The following MPP7 variants were observed in gnomAD, a reference collection of about 807,000 sequenced individuals.
MPP7 encodes the protein MAGUK p55 scaffold protein 7.
Under a neutral mutation model 76.5 loss-of-function variants are expected in MPP7, and 60 were observed. The ratio of observed to expected loss-of-function variants is 0.78; its 90% confidence interval spans 0.64 to 0.97. The LOEUF is 0.97. Ranked by LOEUF, MPP7 falls within the 50% of genes least tolerant of loss-of-function variation. MPP7 has a pLI of 0.00. For synonymous variants in MPP7, 237 were observed against 244.5 expected, an observed-to-expected ratio of 0.97 and a Z score of 0.29; for missense variants, 641 against 694.0, an observed-to-expected ratio of 0.92 and a Z score of 0.86.
chr10:28,099,962 A>AT (rs1279782400), intron 11 of MPP7, among the ~76,000 whole-genome samples: 11 of 151,962 alleles, frequency 7.2e-5, no homozygotes, highest in Admixed American at 4.6e-4. Context: ...TAAAATGCAT[A>AT]TTTTTTTAAT....
chr10:28,215,040 A>T (rs1838263635), intron 2 of MPP7, among the ~76,000 whole-genome samples: 2 of 151,978 alleles, frequency 1.3e-5, no homozygotes, highest in South Asian at 4.2e-4. Flanking sequence ...CTGCCATCTC[A>T]CCCAGGAACA....
chr10:28,156,774 AG>A (rs1170513362), intron 3 of MPP7, among the ~76,000 whole-genome samples: 1 of 152,224 alleles, frequency 6.6e-6, no homozygotes, highest in Non-Finnish European at 1.5e-5. Context: ...GTTTATTAAC[AG>A]GTTCAAAAAG....
At position 28,056,528 on chromosome 10, in the gene MPP7, T is replaced by G; in HGVS notation, c.1503A>C (p.Ala501=). The part of the protein sequence containing the change: ...IERLRETRKN[A]KIISSRDDQG... The stretch of plus-strand genomic sequence containing the variant: ...GGTCATCTCTGCTTGAAATAATCTT[T>G]GCATTTTTTCTTGTTTCTCTCAAAC... Residue 501 remains alanine, a synonymous_variant, in exon 16 of 17, where the codon GCA becomes GCC. Coordinates refer to ENST00000683449, the MANE Select transcript of MPP7 (RefSeq NM_001318170.2). 1.9e-6 allele frequency: 3 copies of G among 1,613,002 alleles called. No homozygotes were observed. Among genetic ancestry groups the G allele is most frequent in the East Asian group, 4.5e-5 (2 of 44,778 alleles).
In MPP7 at chr10:28,167,441, A is replaced by G. The variant is rs114545572; in HGVS notation, c.157-17382T>C. On this transcript the variant is annotated intron_variant, in intron 3 of 16. Coordinates refer to ENST00000683449, the MANE Select transcript of MPP7 (RefSeq NM_001318170.2). ...CCACTGGGTACACGGGGACATAAAG[A>G]TGGGAGCAACAGACACCGGGCCTGC... Among the ~76,000 whole-genome samples the G allele has an allele frequency of 1.9e-3, 295 of 152,312 alleles. 2 individuals are homozygous for G. The highest frequency in any genetic ancestry group is 6.7e-3 in the African/African-American group (280 of 41,570).
In MPP7 at chr10:28,265,154, A is replaced by C. The variant is rs141539466; in HGVS notation, c.-131-26419T>G. Among the ~76,000 whole-genome samples the C allele has an allele frequency of 7.2e-4, 110 of 152,312 alleles. 1 individual carries two copies. In the East Asian group the frequency reaches 0.019, roughly 26 times the overall value. On this transcript the variant is annotated intron_variant, in intron 1 of 16. Coordinates refer to ENST00000683449, the MANE Select transcript of MPP7 (RefSeq NM_001318170.2). ...ATTGCTTTTACTGTTGTTGCTGCTGATATTTTTAAAAACAGGTAGACCTGA... is the reference window on the plus strand; with the variant it reads ...ATTGCTTTTACTGTTGTTGCTGCTGCTATTTTTAAAAACAGGTAGACCTGA...
chr10:28,158,035 A>T (rs576765475), intron 3 of MPP7, among the ~76,000 whole-genome samples: 35 of 152,282 alleles, frequency 2.3e-4, no homozygotes, highest in African/African-American at 7.7e-4. Context: ...CCTCACATAA[A>T]ATAGATGTTA....
intron 13 of MPP7, among the ~76,000 whole-genome samples, chr10:28,061,085 T>C (rs893481816): frequency 3.9e-4 from 59 of 152,168 alleles, no homozygotes; most frequent in African/African-American, 1.4e-3. Context: ...TAACAAGACC[T>C]AGTGTTAATA....
chr10:28,069,678 T>C, intron 13 of MPP7, 94 bp downstream of exon 13: 1 of 1,071,610 alleles, frequency 9.3e-7, no homozygotes, highest in Non-Finnish European at 1.3e-6. Context: ...CAAAAAATTT[T>C]AAAAACAAGT....
rs1853208599 is a variant in MPP7, at chr10:28,089,827, T to C, written c.967A>G (p.Ser323Gly). The C allele has an allele frequency of 1.3e-6, 2 of 1,538,968 alleles. No homozygotes were observed. The highest frequency in any genetic ancestry group is 8.9e-7 in the Non-Finnish European group (1 of 1,119,468). Reference protein sequence around the residue: ...SNRKSSGFRKSFRLSRKDKKT... With the variant: ...SNRKSSGFRKGFRLSRKDKKT... ...TTATCTTTTCTACTAAGACGAAAACTTTTTCTAAAACCAGCTGCAAATATT... is the reference window on the plus strand; with the variant it reads ...TTATCTTTTCTACTAAGACGAAAACCTTTTCTAAAACCAGCTGCAAATATT... The change falls in exon 12 of 17, where the codon AGT becomes GGT. Residue 323 changes from serine (S) to glycine (G), a missense_variant. Ser to Gly is a moderately conservative substitution (Grantham distance 56). Coordinates refer to ENST00000683449, the MANE Select transcript of MPP7 (RefSeq NM_001318170.2).
At chr10:28,213,659 G>T (rs182275108) in intron 2 of MPP7, among the ~76,000 whole-genome samples, 6 of 151,996 alleles carry the variant, frequency 3.9e-5, no homozygotes, top group African/African-American at 9.6e-5. Flanking sequence ...AGGTGTGGTG[G>T]CACATGCCTG....
At chr10:28,317,376 A>G (rs1217733889) in intron 2 of MPP7, among the ~76,000 whole-genome samples, 1 of 152,118 alleles carries the variant, frequency 6.6e-6, no homozygotes, top group Non-Finnish European at 1.5e-5. Context: ...AAAAATAAAT[A>G]AATAAATAGC....
At chr10:28,303,142 C>T (rs566768358), upstream of MPP7, among the ~76,000 whole-genome samples, 82 of 152,212 alleles carry the variant, frequency 5.4e-4, no homozygotes, top group Admixed American at 4.8e-3. Flanking sequence ...GTAAGAGGGG[C>T]CTGCTGATAG....
chr10:28,269,549 T>C (rs1298339763), intron 1 of MPP7, among the ~76,000 whole-genome samples: 1 of 149,438 alleles, frequency 6.7e-6, no homozygotes, highest in Non-Finnish European at 1.5e-5. Flanking sequence ...TTTTAAGAGA[T>C]GAGATCTTGC....
intron 5 of MPP7, among the ~76,000 whole-genome samples, chr10:28,144,405 T>C (rs890010858): frequency 9.2e-5 from 14 of 152,124 alleles, no homozygotes; most frequent in African/African-American, 3.1e-4. Flanking sequence ...GAAAGGCTAT[T>C]ACTAATAATG....
intron 11 of MPP7, among the ~76,000 whole-genome samples, chr10:28,116,052 A>G (rs1216641063): frequency 6.6e-6 from 1 of 152,194 alleles, no homozygotes; most frequent in Non-Finnish European, 1.5e-5. Context: ...TAACTAAAAA[A>G]AGGAAACAAC....
chr10:28,254,004 G>GAAAAAAAAAAAAAAAA (rs199511617), intron 1 of MPP7, among the ~76,000 whole-genome samples: 2 of 92,316 alleles, frequency 2.2e-5, no homozygotes, highest in African/African-American at 4.1e-5. Context: ...TCACAAAAAA[G>GAAAAAAAAAAAAAAAA]AAAAAAAAAA....
chr10:28,263,753 G>A (rs1183891047), intron 1 of MPP7, among the ~76,000 whole-genome samples: 5 of 152,124 alleles, frequency 3.3e-5, no homozygotes, highest in African/African-American at 9.7e-5. Context: ...GCAGCTGAAG[G>A]CGCCAGGTGA....
intron 3 of MPP7, among the ~76,000 whole-genome samples, chr10:28,168,373 T>C (rs576478124): frequency 2.0e-5 from 3 of 152,236 alleles, no homozygotes; most frequent in Non-Finnish European, 4.4e-5. Context: ...GTCAATTATA[T>C]GTATTACAAT....
chr10:28,106,971 G>A (rs911814964), intron 11 of MPP7, among the ~76,000 whole-genome samples: 9 of 152,122 alleles, frequency 5.9e-5, no homozygotes, highest in African/African-American at 2.2e-4. Context: ...ACTCCTAAAT[G>A]CTAGAAGAGA....
Sources: allele counts gnomAD v4.1 joint callset (sites outside exome capture counted in the v4.1 genomes callset), GRCh38; gene constraint gnomAD v4.1.1; transcripts MANE v1.5; gene names NCBI Gene and HGNC (gene_info 2026-07-23, HGNC 2026-07-21).